ALG2: variants seen among roughly 807,000 people sequenced by gnomAD.
ALG2 encodes the protein ALG2 alpha-1,3/1,6-mannosyltransferase, also known as alpha-1,3/1,6-mannosyltransferase ALG2.
In ALG2, 32 loss-of-function variants were observed where a neutral mutation model predicts 30.5. The observed-to-expected ratio is 1.05, with a 90% CI of 0.79 to 1.41. The LOEUF (loss-of-function observed/expected upper bound fraction) is 1.41. Among genes scored for constraint, ALG2 ranks in the 40% most tolerant of loss-of-function variants. The pLI is 0.00. For missense variants in ALG2, 574 were observed against 526.4 expected (o/e 1.09, Z -0.88); for synonymous variants, 253 against 224.8 (o/e 1.13, Z -1.12).
At position 99,217,783 on chromosome 9, in the gene ALG2, G is replaced by A. The variant is rs551384792; in HGVS notation, c.*151C>T. On this transcript the variant is annotated 3_prime_UTR_variant, in exon 2 of 2. Transcript: ENST00000476832. ...TTTTCTGAAAAGTGGACAGGGAGGT[G>A]TGGTATATAGGAAAGTGGCTCACAT... 1.3e-5 allele frequency: 11 copies of A among 828,434 alleles called. No individual in the cohort carries two copies. Among genetic ancestry groups the A allele is most frequent in the African/African-American group, 5.0e-5 (3 of 59,534 alleles). The allele number at this position is 828,434 out of a possible 1,614,324, so 51.3% of individuals were successfully genotyped here.
rs1373364142 is a variant in ALG2, at chr9:99,217,411, A to G, written c.*523T>C. On this transcript the variant is annotated 3_prime_UTR_variant, in exon 2 of 2. Coordinates refer to ENST00000476832, the MANE Select transcript of ALG2 (RefSeq NM_033087.4). ...ATTATATCTCAGTGTGCAAAAATAC[A>G]AATTATCTTAAAAAAAATACAGAGC... 1 of 453,968 alleles carries G rather than the reference A, an allele frequency of 2.2e-6. No homozygotes were observed. Among genetic ancestry groups the G allele is most frequent in the Non-Finnish European group, 4.4e-6 (1 of 226,800 alleles). The allele number at this position is 453,968 out of a possible 1,614,324, so 28.1% of individuals were successfully genotyped here. A position where few individuals can be genotyped will look rare whatever the true frequency, so the allele number is the denominator to read the frequency against.
rs1401162300 is a variant in ALG2, at chr9:99,216,905, A to AGTATG, written c.*1028_*1029insCATAC. On this transcript the variant is annotated 3_prime_UTR_variant, in exon 2 of 2. Coordinates refer to ENST00000476832, the MANE Select transcript of ALG2 (RefSeq NM_033087.4). Reference sequence around the variant, plus strand: ...TAAGCTTTGCTACTTCTGGAAATGAATTTAGCCTTAGAAGTATGTTGAAAA... The same window carrying AGTATG: ...TAAGCTTTGCTACTTCTGGAAATGAAGTATGTTTAGCCTTAGAAGTATGTTGAAAA... 1 of 454,032 alleles carries AGTATG rather than the reference A, an allele frequency of 2.2e-6. No homozygotes were observed. The highest frequency in any genetic ancestry group is 4.4e-6 in the Non-Finnish European group (1 of 226,812). 28.1% of individuals were successfully genotyped at this position (454,032 alleles called of 1,614,324 possible).
Position 99,217,448 on chromosome 9 carries a change from G to A in ALG2, c.*486C>T, listed in dbSNP as rs1001805980. The A allele has an allele frequency of 4.4e-6, 2 of 454,180 alleles. No homozygotes were observed. Among genetic ancestry groups the A allele is most frequent in the African/African-American group, 4.0e-5 (2 of 49,954 alleles). The allele number at this position is 454,180 out of a possible 1,614,324, so 28.1% of individuals were successfully genotyped here. ...AAAAAATACAGAGCACTCTCGCTAT[G>A]GATCCAGGCAAAGACAGGACAAACA... On this transcript the variant is annotated 3_prime_UTR_variant, in exon 2 of 2. Coordinates refer to ENST00000476832, the MANE Select transcript of ALG2 (RefSeq NM_033087.4).
chr9:99,220,956 A>C (rs760566570), intron 1 of ALG2: 1 of 1,351,662 alleles, frequency 7.4e-7, no homozygotes, highest in Admixed American at 1.9e-5. Flanking sequence ...GCTACAGGGC[A>C]GATCCAGGTG....
Position 99,218,739 on chromosome 9 carries a change from G to A in ALG2, c.446C>T (p.Ser149Phe). 6.2e-7 allele frequency: 1 copy of A among 1,613,894 alleles called. No individual in the cohort carries two copies. ...FPDLLLTKRD[S>F]FLKRLYRAPI... is the part of the protein sequence containing the mutation. ...GGCCCTGTATAGTCGTTTAAGAAAA[G>A]AATCTCTCTTGGTGAGAAGCAGATC... Residue 149 changes from serine (S) to phenylalanine (F), a missense_variant, in exon 2 of 2, where the codon TCT becomes TTT. Transcript: ENST00000476832.
In ALG2 at chr9:99,221,720, A is replaced by G. The variant is rs1424302319; in HGVS notation, c.175T>C (p.Cys59Arg). 6.3e-7 allele frequency: 1 copy of G among 1,597,744 alleles called. No homozygotes were observed. Among genetic ancestry groups the G allele is most frequent in the Non-Finnish European group, 8.5e-7 (1 of 1,178,916 alleles). ...IWTAHYDPGH[C>R]FAESRELPVR... ...GGTAGCTCGCGGCTCTCGGCGAAAC[A>G]GTGGCCCGGGTCGTAGTGCGCTGTC... The change falls in exon 1 of 2, where the codon TGT becomes CGT. Residue 59 changes from cysteine (C) to arginine (R), a missense_variant. By Grantham distance (180) the Cys-to-Arg change is radical. Coordinates refer to ENST00000476832, the MANE Select transcript of ALG2 (RefSeq NM_033087.4).
At position 99,217,171 on chromosome 9, in the gene ALG2, T is replaced by C. The variant is rs934174994; in HGVS notation, c.*763A>G. 1.1e-5 allele frequency: 5 copies of C among 453,870 alleles called. No individual in the cohort carries two copies. The highest frequency in any genetic ancestry group is 2.4e-5 in the Admixed American group (1 of 42,540). The allele number at this position is 453,870 out of a possible 1,614,324, so 28.1% of individuals were successfully genotyped here. ...GAGCTTGGTCAAGACAACACAAATA[T>C]TAACAAAACTAATGACCTAGATGAC... is the stretch of plus-strand genomic sequence containing the variant. On this transcript the variant is annotated 3_prime_UTR_variant, in exon 2 of 2. Coordinates refer to ENST00000476832, the MANE Select transcript of ALG2 (RefSeq NM_033087.4).
chr9:99,221,595 G>A lies in ALG2; in HGVS notation c.300C>T (p.Tyr100=), dbSNP rs1303380183. The A allele has an allele frequency of 1.9e-6, 3 of 1,543,902 alleles. No individual in the cohort carries two copies. The highest frequency in any genetic ancestry group is 2.6e-6 in the Non-Finnish European group (3 of 1,145,792). ...AYVRMVFLAL[Y]VLFLADEEFD... ...ACTCCTCGTCGGCGAGGAACAGCAC[G>A]TAGAGCGCCAGGAAAACCATGCGCA... Residue 100 remains tyrosine, a synonymous_variant, in exon 1 of 2, where the codon TAC becomes TAT. Transcript: ENST00000476832.
At chr9:99,221,212 T>G (rs1039414089) in intron 1 of ALG2, 2 of 1,312,290 alleles carry the variant, frequency 1.5e-6, no homozygotes, top group African/African-American at 3.0e-5. Context: ...AAAAGGTGAC[T>G]GAAGCTGACT....
At position 99,221,765 on chromosome 9, in the gene ALG2, C is replaced by A. The variant is rs753439797; in HGVS notation, c.130G>T (p.Gly44Trp). ...LDAALALQARGCSVKIWTAHY... is the reference protein window; with the variant it reads ...LDAALALQARWCSVKIWTAHY... ...GCTGTCCAGATCTTCACGCTACACC[C>A]GCGCGCCTGCAGCGCCAGCGCCGCG... The change falls in exon 1 of 2, where the codon GGG becomes TGG. Residue 44 changes from glycine to tryptophan, a missense_variant. Transcript: ENST00000476832. 1 of 1,598,796 alleles carries A rather than the reference C, an allele frequency of 6.3e-7. No homozygotes were observed. The highest frequency in any genetic ancestry group is 8.5e-7 in the Non-Finnish European group (1 of 1,179,536).
Position 99,216,582 on chromosome 9 carries a change from G to GC in ALG2, c.*1351dup, listed in dbSNP as rs1828693831. The GC allele has an allele frequency of 2.2e-6, 1 of 453,910 alleles. No individual in the cohort carries two copies. The highest frequency in any genetic ancestry group is 1.6e-5 in the South Asian group (1 of 64,476). The allele number at this position is 453,910 out of a possible 1,614,324, so 28.1% of individuals were successfully genotyped here. A position where few individuals can be genotyped will look rare whatever the true frequency, so the allele number is the denominator to read the frequency against. The stretch of plus-strand genomic sequence containing the variant: ...AAAATGGAATTTCACCCATTGAAGA[G>GC]CCCCAAAAGAACAATATGGTAGTGC... On this transcript the variant is annotated 3_prime_UTR_variant, in exon 2 of 2. Transcript: ENST00000476832.
rs867458247 is a variant in ALG2 at position 99,218,828 on chromosome 9, G to C, written c.357C>G (p.Ala119=). The C allele has an allele frequency of 6.2e-7, 1 of 1,603,842 alleles. No homozygotes were observed. The highest frequency in any genetic ancestry group is 8.5e-7 in the Non-Finnish European group (1 of 1,179,960). ...FDVVVCDQVS[A]CIPVFRLARR... is the part of the protein sequence containing the mutation. Reference sequence around the variant, plus strand: ...TAGCCAGCCTGAACACTGGGATACAGGCAGACACCTAGCCAAAGCAAAAAT... The same window carrying C: ...TAGCCAGCCTGAACACTGGGATACACGCAGACACCTAGCCAAAGCAAAAAT... Residue 119 remains alanine, a synonymous_variant, in exon 2 of 2, where the codon GCC becomes GCG. Transcript: ENST00000476832.
At chr9:99,220,773 T>G (rs1034701483) in intron 1 of ALG2, among the ~76,000 whole-genome samples, 2 of 152,178 alleles carry the variant, frequency 1.3e-5, no homozygotes, top group Admixed American at 1.3e-4. Context: ...CACCACAACT[T>G]CTGAAAAAAT....
chr9:99,220,193 G>A (rs113900664), intron 1 of ALG2, among the ~76,000 whole-genome samples: 130 of 152,200 alleles, frequency 8.5e-4, no homozygotes, highest in African/African-American at 3.0e-3. Flanking sequence ...CGACATATTT[G>A]CAGAAGTACA....
intron 1 of ALG2, 52 bp from the exon 2 acceptor site, chr9:99,218,888 CA>C (rs1828746827): frequency 3.1e-6 from 5 of 1,594,340 alleles, no homozygotes; most frequent in Non-Finnish European, 3.4e-6. Context: ...CAACTTCAAC[CA>C]AACCAAAAAC....
chr9:99,217,592 A>C lies in ALG2; in HGVS notation c.*342T>G. ...TCAACTTTGATAATGATACACACTT[A>C]AACTATGAAAACCAATTAAGGCACA... On this transcript the variant is annotated 3_prime_UTR_variant, in exon 2 of 2. Transcript: ENST00000476832. 1 of 468,402 alleles carries C rather than the reference A, an allele frequency of 2.1e-6. No homozygotes were observed. The highest frequency in any genetic ancestry group is 1.5e-5 in the South Asian group (1 of 64,602). 29.0% of individuals were successfully genotyped at this position (468,402 alleles called of 1,614,324 possible).
intron 1 of ALG2, among the ~76,000 whole-genome samples, chr9:99,219,833 A>C (rs1272718733): frequency 2.0e-5 from 3 of 152,198 alleles, no homozygotes; most frequent in African/African-American, 7.2e-5. Flanking sequence ...TTTTTCCTCT[A>C]CCCACTATAG....
Position 99,216,568 on chromosome 9 carries a change from T to G in ALG2, c.*1366A>C. 2.2e-6 allele frequency: 1 copy of G among 454,160 alleles called. No homozygotes were observed. The highest frequency in any genetic ancestry group is 1.6e-5 in the South Asian group (1 of 64,474). 28.1% of individuals were successfully genotyped at this position (454,160 alleles called of 1,614,324 possible). On this transcript the variant is annotated 3_prime_UTR_variant, in exon 2 of 2. Coordinates refer to ENST00000476832, the MANE Select transcript of ALG2 (RefSeq NM_033087.4). ...ACATGATAAACTGTAAAATGGAATT[T>G]CACCCATTGAAGAGCCCCAAAAGAA...
At position 99,217,210 on chromosome 9, in the gene ALG2, C is replaced by T; in HGVS notation, c.*724G>A. 1 of 454,064 alleles carries T rather than the reference C, an allele frequency of 2.2e-6. No individual in the cohort carries two copies. Among genetic ancestry groups the T allele is most frequent in the Non-Finnish European group, 4.4e-6 (1 of 226,786 alleles). The allele number at this position is 454,064 out of a possible 1,614,324, so 28.1% of individuals were successfully genotyped here. A position where few individuals can be genotyped will look rare whatever the true frequency, so the allele number is the denominator to read the frequency against. On this transcript the variant is annotated 3_prime_UTR_variant, in exon 2 of 2. Transcript: ENST00000476832. ...GACCTAGATGACATTAAGAAATATA[C>T]CCTAAACAAGATGCACAACACATGT... is the stretch of plus-strand genomic sequence containing the variant.
Sources: gnomAD v4.1 joint callset for allele counts (sites outside exome capture counted in the v4.1 genomes callset) on GRCh38, gnomAD v4.1.1 for gene constraint, MANE v1.5 for transcripts, NCBI Gene and HGNC (gene_info 2026-07-23, HGNC 2026-07-21) for gene names.